The following SEMA6D variants were observed in gnomAD, a reference collection of about 807,000 sequenced individuals.
The protein encoded by SEMA6D is semaphorin 6D.
Under a neutral mutation model 106.6 loss-of-function variants are expected in SEMA6D, and 35 were observed. The ratio of observed to expected loss-of-function variants is 0.33; its 90% confidence interval spans 0.25 to 0.44. SEMA6D has a LOEUF of 0.44. Ranked by LOEUF, SEMA6D falls within the 20% of genes least tolerant of loss-of-function variation. The probability of loss-of-function intolerance (pLI) is 1.00; values close to 1 mark genes in which losing one functional copy is unlikely to be tolerated. For synonymous variants in SEMA6D, 499 were observed against 487.7 expected (o/e 1.02, Z -0.31); for missense variants, 1,185 against 1,345.9 (o/e 0.88, Z 1.87).
intron 3 of SEMA6D, among the ~76,000 whole-genome samples, chr15:47,582,264 A>C (rs1242894706): frequency 6.6e-6 from 1 of 152,200 alleles, no homozygotes; most frequent in Non-Finnish European, 1.5e-5. Flanking sequence ...TTGCTTTCTC[A>C]CTAACTGACA....
At chr15:47,483,798 T>C (rs2043219095) in intron 3 of SEMA6D, among the ~76,000 whole-genome samples, 1 of 152,150 alleles carries the variant, frequency 6.6e-6, no homozygotes, top group African/African-American at 2.4e-5. Flanking sequence ...CTGTTAAAAA[T>C]CTCTTCATTT....
intron 1 of SEMA6D, among the ~76,000 whole-genome samples, chr15:47,380,828 T>C (rs2039615134): frequency 6.6e-6 from 1 of 152,204 alleles, no homozygotes; most frequent in Non-Finnish European, 1.5e-5. Flanking sequence ...AAATAACTAT[T>C]GTAATAAAAT....
chr15:47,626,258 C>A (rs566045334), intron 4 of SEMA6D, among the ~76,000 whole-genome samples: 1 of 152,244 alleles, frequency 6.6e-6, no homozygotes, highest in South Asian at 2.1e-4. Context: ...CCCCAAATGT[C>A]CAAGGACAGA....
chr15:47,200,382 T>G (rs1372607833), intron 1 of SEMA6D, among the ~76,000 whole-genome samples: 2 of 152,140 alleles, frequency 1.3e-5, no homozygotes, highest in African/African-American at 4.8e-5. Context: ...GGTACCTGTT[T>G]GAGGGAGAGT....
At chr15:47,607,103 T>A (rs2076796522) in intron 4 of SEMA6D, among the ~76,000 whole-genome samples, 1 of 143,110 alleles carries the variant, frequency 7.0e-6, no homozygotes, top group Non-Finnish European at 1.5e-5. Context: ...AAGGACTTGA[T>A]CAGATAGATA....
At chr15:47,714,976 C>T (rs1461081700), upstream of SEMA6D, among the ~76,000 whole-genome samples, 4 of 152,260 alleles carry the variant, frequency 2.6e-5, no homozygotes, top group African/African-American at 4.8e-5. Flanking sequence ...CATGCTAAAT[C>T]GGTAATTTGC....
intron 1 of SEMA6D, among the ~76,000 whole-genome samples, chr15:47,333,707 C>T (rs1019204308): frequency 6.6e-6 from 1 of 152,164 alleles, no homozygotes; most frequent in Non-Finnish European, 1.5e-5. Flanking sequence ...AGACAAAACC[C>T]TTAATATCAT....
chr15:47,717,843 T>C, intron 1 of SEMA6D, among the ~76,000 whole-genome samples, 151 bp downstream of exon 1: 68 of 93,690 alleles, frequency 7.3e-4, no homozygotes, highest in African/African-American at 2.1e-3. Context: ...TGTGTGTGTG[T>C]GTGTGTGTGT....
intron 1 of SEMA6D, among the ~76,000 whole-genome samples, chr15:47,749,080 C>CT (rs71118197): frequency 4.5e-4 from 46 of 102,682 alleles, no homozygotes; most frequent in Non-Finnish European, 6.8e-4. Flanking sequence ...CTTTTTTTTT[C>CT]TTTTTTTTTT....
chr15:47,350,763 G>A (rs1404731813), intron 1 of SEMA6D, among the ~76,000 whole-genome samples: 1 of 152,044 alleles, frequency 6.6e-6, no homozygotes, highest in Non-Finnish European at 1.5e-5. Context: ...CAGATGTTGT[G>A]GGTTCAAATT....
chr15:47,479,081 G>T (rs1281186371), intron 3 of SEMA6D, among the ~76,000 whole-genome samples: 1 of 152,102 alleles, frequency 6.6e-6, no homozygotes, highest in Non-Finnish European at 1.5e-5. Context: ...TGAGATTTGG[G>T]TGGGGACACA....
At chr15:47,674,529 C>G (rs1402635230) in intron 4 of SEMA6D, among the ~76,000 whole-genome samples, 1 of 152,190 alleles carries the variant, frequency 6.6e-6, no homozygotes, top group Non-Finnish European at 1.5e-5. Context: ...ACATTTGCCT[C>G]CTTTAGTGAC....
At chr15:47,306,751 T>C (rs1317258096) in intron 1 of SEMA6D, among the ~76,000 whole-genome samples, 2 of 152,212 alleles carry the variant, frequency 1.3e-5, no homozygotes, top group Non-Finnish European at 2.9e-5. Flanking sequence ...TTGATACAAA[T>C]AAACAATGAG....
At chr15:47,763,407 A>G (rs920638886) in intron 9 of SEMA6D, among the ~76,000 whole-genome samples, 1 of 152,142 alleles carries the variant, frequency 6.6e-6, no homozygotes, top group African/African-American at 2.4e-5. Context: ...TTAGAAAACC[A>G]CTGATAGTCT....
intron 1 of SEMA6D, chr15:47,730,295 G>A: frequency 6.5e-7 from 1 of 1,530,382 alleles, no homozygotes; most frequent in Non-Finnish European, 8.9e-7. Flanking sequence ...CACCAGCTTA[G>A]CCAAAGCGCC....
intron 1 of SEMA6D, among the ~76,000 whole-genome samples, chr15:47,724,353 AG>A (rs1294798610): frequency 6.6e-6 from 1 of 152,226 alleles, no homozygotes; most frequent in Non-Finnish European, 1.5e-5. Context: ...ACAATTCCAG[AG>A]GTCAGGGATC....
intron 3 of SEMA6D, among the ~76,000 whole-genome samples, chr15:47,525,776 A>G (rs183805092): frequency 1.8e-3 from 280 of 152,324 alleles, no homozygotes; most frequent in African/African-American, 6.5e-3. Context: ...GCCTCCAGTG[A>G]GGGTAGAAGA....
chr15:47,415,201 A>G (rs1375067391), intron 2 of SEMA6D, among the ~76,000 whole-genome samples: 1 of 152,172 alleles, frequency 6.6e-6, no homozygotes, highest in Non-Finnish European at 1.5e-5. Flanking sequence ...GACTGCTCTT[A>G]TTAAATTATG....
At chr15:47,511,103 A>G (rs1298227104) in intron 3 of SEMA6D, among the ~76,000 whole-genome samples, 2 of 152,132 alleles carry the variant, frequency 1.3e-5, no homozygotes, top group African/African-American at 4.8e-5. Flanking sequence ...CCATGAAACC[A>G]CCTTTTCAAT....
Sources: gnomAD v4.1 joint callset for allele counts (sites outside exome capture counted in the v4.1 genomes callset) on GRCh38, gnomAD v4.1.1 for gene constraint, MANE v1.5 for transcripts, NCBI Gene and HGNC (gene_info 2026-07-23, HGNC 2026-07-21) for gene names.